The following PLS3 variants were observed in gnomAD, a reference collection of about 807,000 sequenced individuals.
PLS3 encodes the protein plastin 3, also known as plastin-3.
Under a neutral mutation model 46.5 loss-of-function variants are expected in PLS3, and 11 were observed. The observed-to-expected ratio is 0.24, with a 90% CI of 0.15 to 0.39. The LOEUF (loss-of-function observed/expected upper bound fraction) is 0.39, where lower values mean the gene tolerates loss of function less well. PLS3 is among the 10% of genes least tolerant of loss of function. The pLI is 1.00. For synonymous variants in PLS3, 167 were observed against 162.2 expected, an observed-to-expected ratio of 1.03 and a Z score of -0.22; for missense variants, 308 against 461.8, an observed-to-expected ratio of 0.67 and a Z score of 3.05.
At chrX:115,631,297 C>G (rs1230964998) in intron 5 of PLS3, among the ~76,000 whole-genome samples, 4 of 108,861 alleles carry the variant, frequency 3.7e-5, no homozygotes, top group Non-Finnish European at 7.6e-5. Context: ...TCTCGAACTC[C>G]AGACCTCAGG....
At chrX:115,630,037 C>T in intron 5 of PLS3, 70 bp downstream of exon 5, 1 of 797,466 alleles carries the variant, frequency 1.3e-6, no homozygotes, top group East Asian at 3.4e-5. Flanking sequence ...ATATTTGTTT[C>T]TGCATGCTTG....
At chrX:115,639,129 G>A (rs1556640652) in intron 8 of PLS3, among the ~76,000 whole-genome samples, 1 of 112,090 alleles carries the variant, frequency 8.9e-6, no homozygotes, top group East Asian at 2.8e-4. Context: ...AGTAAATACA[G>A]ATTTTGCTGG....
At chrX:115,633,444 A>G (rs1356557397) in intron 5 of PLS3, among the ~76,000 whole-genome samples, 1 of 111,457 alleles carries the variant, frequency 9.0e-6, no homozygotes, top group Non-Finnish European at 1.9e-5. Context: ...GTGTGGGATT[A>G]CAGGCGTGAG....
chrX:115,637,604 GA>G (rs2074851122), intron 8 of PLS3, among the ~76,000 whole-genome samples: 1 of 111,604 alleles, frequency 9.0e-6, no homozygotes, highest in African/African-American at 3.3e-5. Context: ...AACAATGGAG[GA>G]AGACATTTAT....
chrX:115,579,682 A>C lies in PLS3; in HGVS notation c.-9+18422A>C, dbSNP rs1556631627. ...GATGTTTAACATTTTTTATGCACTTATTTCCCATCTGTTTGCCCTCTTCAG... is the reference window on the plus strand; with the variant it reads ...GATGTTTAACATTTTTTATGCACTTCTTTCCCATCTGTTTGCCCTCTTCAG... On this transcript the variant is annotated intron_variant, in intron 1 of 15. Coordinates refer to ENST00000355899, the MANE Select transcript of PLS3 (RefSeq NM_005032.7). 3.6e-5 allele frequency among the ~76,000 whole-genome samples: 4 copies of C among 111,578 alleles called. No individual in the cohort carries two copies. The Admixed American group carries it at 3.8e-4, about 11-fold the overall frequency.
chrX:115,566,123 G>A (rs1556630067), intron 1 of PLS3, among the ~76,000 whole-genome samples: 1 of 112,103 alleles, frequency 8.9e-6, no homozygotes, highest in Non-Finnish European at 1.9e-5. Context: ...AAGCAGACAG[G>A]TGCTATATAA....
chrX:115,567,380 T>A (rs145058778), intron 1 of PLS3, among the ~76,000 whole-genome samples: 3,911 of 110,264 alleles, frequency 0.035, 173 homozygotes, highest in African/African-American at 0.12. Flanking sequence ...GTGGATCACT[T>A]CAGGCCAGGA....
intron 10 of PLS3, 94 bp downstream of exon 10, chrX:115,643,602 T>A: frequency 1.2e-5 from 6 of 494,090 alleles, no homozygotes; most frequent in Non-Finnish European, 2.0e-5. Flanking sequence ...TAAGTTTTTT[T>A]ATATCTACAA....
intron 1 of PLS3, among the ~76,000 whole-genome samples, chrX:115,603,157 A>T (rs2074460782): frequency 9.0e-6 from 1 of 111,484 alleles, no homozygotes; most frequent in South Asian, 3.8e-4. Flanking sequence ...GAGCCGGTGG[A>T]GTGGTTTCAT....
chrX:115,630,057 C>T (rs1391636813), intron 5 of PLS3, 90 bp downstream of exon 5: 5 of 619,360 alleles, frequency 8.1e-6, no homozygotes, highest in South Asian at 4.0e-5. Flanking sequence ...GACAGGTTCA[C>T]CTCAAGAAAT....
chrX:115,581,653 C>T (rs2074280111), intron 1 of PLS3, among the ~76,000 whole-genome samples: 1 of 112,068 alleles, frequency 8.9e-6, no homozygotes, highest in South Asian at 3.7e-4. Flanking sequence ...ACTCTTCTGT[C>T]TGCTTACTGA....
intron 1 of PLS3, chrX:115,562,555 G>A (rs2074146028): frequency 9.0e-6 from 1 of 111,729 alleles, no homozygotes; most frequent in South Asian, 3.8e-4. Flanking sequence ...TGGGAGGAGG[G>A]AAGGGAGCCT....
chrX:115,614,315 A>C, intron 2 of PLS3: 1 of 752,349 alleles, frequency 1.3e-6, no homozygotes. Context: ...GGGAAAAATG[A>C]TGGCCAAACT....
chrX:115,578,801 T>C (rs1420389883), intron 1 of PLS3, among the ~76,000 whole-genome samples: 3 of 110,995 alleles, frequency 2.7e-5, no homozygotes, highest in African/African-American at 9.8e-5. Flanking sequence ...AATTATACTA[T>C]ATTCTGTGTT....
At chrX:115,577,226 C>T (rs2074254161) in intron 1 of PLS3, among the ~76,000 whole-genome samples, 2 of 111,774 alleles carry the variant, frequency 1.8e-5, no homozygotes, top group African/African-American at 6.5e-5. Flanking sequence ...AAACTCATAT[C>T]ACCCATGACT....
intron 8 of PLS3, 102 bp downstream of exon 8, chrX:115,637,080 T>A (rs2074845157): frequency 2.5e-6 from 2 of 785,920 alleles, no homozygotes; most frequent in Admixed American, 2.8e-5. Context: ...TCACCAAGCC[T>A]TGTTGTCTCT....
At chrX:115,623,014 T>C (rs782522810) in intron 3 of PLS3, among the ~76,000 whole-genome samples, 32 of 111,344 alleles carry the variant, frequency 2.9e-4, no homozygotes, top group Non-Finnish European at 4.9e-4. Context: ...TTTAATTCTT[T>C]CACCCCCCCA....
In PLS3 at chrX:115,629,779, A is replaced by C. The variant is rs112972944; in HGVS notation, c.368-56A>C. The stretch of plus-strand genomic sequence containing the variant: ...CACAACTATTTTAGGCTTTGGAGTC[A>C]AATATTTAATAAGTTAGAGTATGAA... On this transcript the variant is annotated intron_variant, in intron 4 of 15. Transcript: ENST00000355899. The C allele has an allele frequency of 3.9e-3, 3,074 of 795,817 alleles. 65 individuals are homozygous for C. The African/African-American group carries it at 0.055, about 14-fold the overall frequency. The allele number at this position is 795,817 out of a possible 1,213,427, so 65.6% of individuals were successfully genotyped here.
At chrX:115,585,043 T>C (rs1055684988) in intron 1 of PLS3, among the ~76,000 whole-genome samples, 3 of 111,987 alleles carry the variant, frequency 2.7e-5, no homozygotes, top group African/African-American at 9.7e-5. Context: ...TCCCTTTCTT[T>C]TTTTCTTAAA....
Sources: allele counts gnomAD v4.1 joint callset (sites outside exome capture counted in the v4.1 genomes callset), GRCh38; gene constraint gnomAD v4.1.1; transcripts MANE v1.5; gene names NCBI Gene and HGNC (gene_info 2026-07-23, HGNC 2026-07-21).